BMPR2: variants seen among roughly 807,000 people sequenced by gnomAD.
The protein encoded by BMPR2 is bone morphogenetic protein receptor type 2.
In BMPR2, 29 loss-of-function variants were observed where a neutral mutation model predicts 100.8. That is an observed-to-expected ratio of 0.29 (90% CI 0.21 to 0.39). The LOEUF is 0.39. Ranked by LOEUF, BMPR2 falls within the 10% of genes least tolerant of loss-of-function variation. BMPR2 has a pLI of 1.00. For missense variants in BMPR2, 1,011 were observed against 1,274.5 expected (o/e 0.79, Z 3.15); for synonymous variants, 382 against 442.3 (o/e 0.86, Z 1.71).
chr2:202,542,157 T>C (rs1331175788), intron 9 of BMPR2, among the ~76,000 whole-genome samples, 154 bp from the exon 10 acceptor site: 1 of 152,058 alleles, frequency 6.6e-6, no homozygotes, highest in East Asian at 1.9e-4. Flanking sequence ...GCAAGGTCTC[T>C]TTAGGATTTC....
chr2:202,553,022 T>A, intron 11 of BMPR2, 134 bp downstream of exon 11: 1 of 1,189,262 alleles, frequency 8.4e-7, no homozygotes, highest in Non-Finnish European at 1.2e-6. Flanking sequence ...TTATCATTTT[T>A]CTTTCAATAT....
chr2:202,408,154 G>C (rs752125566), intron 1 of BMPR2, among the ~76,000 whole-genome samples: 5 of 152,128 alleles, frequency 3.3e-5, no homozygotes, highest in Non-Finnish European at 5.9e-5. Context: ...ATTTCATAAA[G>C]AAAACAAGAT....
intron 1 of BMPR2, among the ~76,000 whole-genome samples, chr2:202,380,004 CCCA>C: frequency 6.6e-6 from 1 of 152,138 alleles, no homozygotes. Context: ...ATTACGGGAG[CCCA>C]CCACCATGCC....
rs559360236 is a variant in BMPR2, at chr2:202,460,423, C to T, written c.77-4386C>T. ...TTTTTGGCATTTGACATTAGAATATCCATGCTATGGAGAAAAAGAAAACTT... is the reference window on the plus strand; with the variant it reads ...TTTTTGGCATTTGACATTAGAATATTCATGCTATGGAGAAAAAGAAAACTT... On this transcript the variant is annotated intron_variant, in intron 1 of 12. Coordinates refer to ENST00000374580, the MANE Select transcript of BMPR2 (RefSeq NM_001204.7). 5.9e-5 allele frequency among the ~76,000 whole-genome samples: 9 copies of T among 152,024 alleles called. No homozygotes were observed. In the South Asian group the frequency reaches 1.9e-3, roughly 32 times the overall value.
In BMPR2 at chr2:202,439,280, A is replaced by C. The variant is rs565950432; in HGVS notation, c.77-25529A>C. Among the ~76,000 whole-genome samples, 3 of 150,040 alleles carry C rather than the reference A, an allele frequency of 2.0e-5. No individual in the cohort carries two copies. In the South Asian group the frequency reaches 6.2e-4, roughly 31 times the overall value. On this transcript the variant is annotated intron_variant, in intron 1 of 12. Transcript: ENST00000374580. Reference sequence around the variant, plus strand: ...TTTGGATTGCTCATTGCTAGTGTACAGAAATACAATTGATTTTTATATATT... The same window carrying C: ...TTTGGATTGCTCATTGCTAGTGTACCGAAATACAATTGATTTTTATATATT...
chr2:202,498,318 C>T (rs200705398), intron 3 of BMPR2, among the ~76,000 whole-genome samples: 1 of 152,170 alleles, frequency 6.6e-6, no homozygotes, highest in South Asian at 2.1e-4. Flanking sequence ...GACCTTCCTC[C>T]GTCCTCCATG....
Position 202,377,407 on chromosome 2 carries a change from C to T in BMPR2, c.-68C>T. ...ACGGGAGAGAAGACGAGCCTCCCGG[C>T]TGTTTCTCCGCCGGTCTACTTCCCA... On this transcript the variant is annotated 5_prime_UTR_variant, in exon 1 of 13. Transcript: ENST00000374580. The T allele has an allele frequency of 6.7e-7, 1 of 1,486,936 alleles. No individual in the cohort carries two copies. The highest frequency in any genetic ancestry group is 9.4e-7 in the Non-Finnish European group (1 of 1,063,970). 92.1% of individuals were successfully genotyped at this position (1,486,936 alleles called of 1,614,324 possible).
rs1035864049 is a variant in BMPR2, at chr2:202,498,465, G to A, written c.419-15254G>A. ...CTGCATTGGTGAGCGCAACTATTCC[G>A]ATCAGCAGGGTCCAGGGACAGTTGC... On this transcript the variant is annotated intron_variant, in intron 3 of 12. Transcript: ENST00000374580. Among the ~76,000 whole-genome samples, 7 of 150,798 alleles carry A rather than the reference G, an allele frequency of 4.6e-5. No homozygotes were observed. In the South Asian group the frequency reaches 6.3e-4, roughly 13 times the overall value.
chr2:202,415,913 A>C (rs548065514), intron 1 of BMPR2, among the ~76,000 whole-genome samples: 1 of 152,352 alleles, frequency 6.6e-6, no homozygotes, highest in Non-Finnish European at 1.5e-5. Flanking sequence ...AGTAATTTTA[A>C]CTTTAAAATC....
chr2:202,401,017 A>T, intron 1 of BMPR2, among the ~76,000 whole-genome samples: 1 of 152,236 alleles, frequency 6.6e-6, no homozygotes, highest in East Asian at 1.9e-4. Context: ...ACATGACAGA[A>T]AAAATTCAAA....
At chr2:202,423,349 A>AC (rs1434297877) in intron 1 of BMPR2, among the ~76,000 whole-genome samples, 4 of 152,220 alleles carry the variant, frequency 2.6e-5, no homozygotes, top group Non-Finnish European at 5.9e-5. Flanking sequence ...TCCAAAAGTG[A>AC]CCATGTGAGA....
intron 1 of BMPR2, among the ~76,000 whole-genome samples, chr2:202,391,546 C>T (rs888187459): frequency 6.7e-6 from 1 of 150,242 alleles, no homozygotes; most frequent in African/African-American, 2.5e-5. Context: ...TTTGCCTTGG[C>T]GTCCCAAAGT....
At chr2:202,492,008 C>A (rs1302471250) in intron 3 of BMPR2, among the ~76,000 whole-genome samples, 1 of 152,056 alleles carries the variant, frequency 6.6e-6, no homozygotes, top group Admixed American at 6.6e-5. Context: ...CATACAAACA[C>A]CATGGTTAAA....
At chr2:202,530,112 C>G (rs1210625176) in intron 7 of BMPR2, among the ~76,000 whole-genome samples, 1 of 152,102 alleles carries the variant, frequency 6.6e-6, no homozygotes, top group African/African-American at 2.4e-5. Context: ...GAAAGATGTT[C>G]TCTTTCTGCC....
In BMPR2 at chr2:202,530,919, C is replaced by T. The variant is rs369291114; in HGVS notation, c.1093C>T (p.Arg365Cys). Residue 365 changes from arginine to cysteine, a missense_variant, in exon 8 of 13, where the codon CGC becomes TGC. By Grantham distance (180) the Arg-to-Cys change is radical. Transcript: ENST00000374580. ...SMRLTGNRLV[R>C]PGEEDNAAIS... ...GAGGCTGACTGGAAATAGACTGGTG[C>T]GCCCAGGGGAGGAAGATAATGCAGC... 59 of 1,613,992 alleles carry T rather than the reference C, an allele frequency of 3.7e-5. 2 individuals carry two copies. Among genetic ancestry groups the T allele is most frequent in the South Asian group, 3.1e-4 (28 of 91,076 alleles).
chr2:202,380,002 A>T (rs1034295234), intron 1 of BMPR2, among the ~76,000 whole-genome samples: 26 of 151,986 alleles, frequency 1.7e-4, no homozygotes, highest in Non-Finnish European at 3.2e-4. Context: ...AGATTACGGG[A>T]GCCCACCACC....
At chr2:202,380,069 A>AT (rs1559019070) in intron 1 of BMPR2, among the ~76,000 whole-genome samples, 2 of 151,768 alleles carry the variant, frequency 1.3e-5, no homozygotes, top group African/African-American at 4.8e-5. Flanking sequence ...GGGTTTCACC[A>AT]TTTTGGCAGG....
At chr2:202,417,518 GTC>G (rs1691159205) in intron 1 of BMPR2, among the ~76,000 whole-genome samples, 1 of 151,190 alleles carries the variant, frequency 6.6e-6, no homozygotes, top group South Asian at 2.1e-4. Context: ...GGTTAGGCTG[GTC>G]TCAAACTCCC....
intron 7 of BMPR2, among the ~76,000 whole-genome samples, chr2:202,528,547 T>C (rs1376661235): frequency 6.6e-6 from 1 of 152,240 alleles, no homozygotes; most frequent in Admixed American, 6.5e-5. Context: ...GTTAGAAATA[T>C]TGTAAGTTGA....
Sources: allele counts gnomAD v4.1 joint callset (sites outside exome capture counted in the v4.1 genomes callset), GRCh38; gene constraint gnomAD v4.1.1; transcripts MANE v1.5; gene names NCBI Gene and HGNC (gene_info 2026-07-23, HGNC 2026-07-21).